MYO16: variants seen among roughly 807,000 people sequenced by gnomAD.
MYO16 encodes unconventional myosin-XVI.
In MYO16, 94 loss-of-function variants were observed where a neutral mutation model predicts 205.3. The observed-to-expected ratio is 0.46, with a 90% CI of 0.39 to 0.54. The LOEUF (loss-of-function observed/expected upper bound fraction) is 0.54, where lower values mean the gene tolerates loss of function less well. Among genes scored for constraint, MYO16 ranks in the 20% least tolerant of loss-of-function variants. The pLI is 0.00. For synonymous variants in MYO16, 988 were observed against 954.0 expected (o/e 1.04, Z -0.66); for missense variants, 2,315 against 2,387.5 (o/e 0.97, Z 0.63).
Position 108,785,769 on chromosome 13 carries a change from G to A in MYO16, c.616+26G>A, listed in dbSNP as rs1555298336. 4.4e-6 allele frequency: 6 copies of A among 1,371,606 alleles called. No individual in the cohort carries two copies. In the Admixed American group the frequency reaches 5.9e-5, roughly 13 times the overall value. The allele number at this position is 1,371,606 out of a possible 1,614,324, so 85.0% of individuals were successfully genotyped here. Reference sequence around the variant, plus strand: ...GTAGGCAAAAACTTTTAAAACCATAGAAAAAAATAGATTGGGAGAATTGTA... The same window carrying A: ...GTAGGCAAAAACTTTTAAAACCATAAAAAAAAATAGATTGGGAGAATTGTA... On this transcript the variant is annotated intron_variant, in intron 5 of 34. Coordinates refer to ENST00000457511, the MANE Select transcript of MYO16 (RefSeq NM_001198950.3).
the MYO16 span, among the ~76,000 whole-genome samples, chr13:108,542,410 C>G: frequency 3.9e-5 from 6 of 152,098 alleles, no homozygotes; most frequent in Non-Finnish European, 8.8e-5. Context: ...AACCAACCCC[C>G]AACCCCCGTC....
chr13:108,538,817 A>G, the MYO16 span, among the ~76,000 whole-genome samples: 1 of 152,118 alleles, frequency 6.6e-6, no homozygotes, highest in Non-Finnish European at 1.5e-5. Context: ...ATGGCACTCT[A>G]ACATAAAGTT....
chr13:108,957,960 G>A (rs1883439707), intron 17 of MYO16, among the ~76,000 whole-genome samples, 161 bp downstream of exon 17: 1 of 152,010 alleles, frequency 6.6e-6, no homozygotes, highest in Non-Finnish European at 1.5e-5. Context: ...GCCTCCTAGA[G>A]CTGACATGCT....
At chr13:108,700,861 A>G (rs1246378040) in intron 2 of MYO16, among the ~76,000 whole-genome samples, 1 of 152,142 alleles carries the variant, frequency 6.6e-6, no homozygotes. Flanking sequence ...AGCTGTGGGT[A>G]TGCTCATAAG....
At chr13:109,119,366 T>G (rs1216843340) in intron 28 of MYO16, among the ~76,000 whole-genome samples, 1 of 152,214 alleles carries the variant, frequency 6.6e-6, no homozygotes, top group Non-Finnish European at 1.5e-5. Flanking sequence ...GTGCTAAGAA[T>G]CTGATTATAA....
the MYO16 span, among the ~76,000 whole-genome samples, chr13:108,573,692 G>T: frequency 6.6e-6 from 1 of 152,170 alleles, no homozygotes; most frequent in Non-Finnish European, 1.5e-5. Context: ...GACTTCACGG[G>T]CTCAGAGATA....
At chr13:108,603,521 G>A (rs1327531942) in intron 1 of MYO16, among the ~76,000 whole-genome samples, 2 of 152,028 alleles carry the variant, frequency 1.3e-5, no homozygotes, top group Non-Finnish European at 2.9e-5. Flanking sequence ...AACGTTTGAT[G>A]TTTGGATAGT....
chr13:109,159,677 G>A (rs764300764), intron 32 of MYO16, among the ~76,000 whole-genome samples: 19 of 152,188 alleles, frequency 1.2e-4, no homozygotes, highest in Admixed American at 5.9e-4. Flanking sequence ...GCAAGGAGTG[G>A]GGACAGGAAC....
At chr13:108,802,792 T>C (rs1887004849) in intron 6 of MYO16, among the ~76,000 whole-genome samples, 3 of 152,246 alleles carry the variant, frequency 2.0e-5, no homozygotes, top group South Asian at 4.1e-4. Context: ...TATTTCATTG[T>C]AGTTTTAATT....
At chr13:108,958,116 A>G (rs1000392828) in intron 17 of MYO16, among the ~76,000 whole-genome samples, 6 of 148,410 alleles carry the variant, frequency 4.0e-5, no homozygotes, top group Non-Finnish European at 7.4e-5. Flanking sequence ...AATGAATATA[A>G]TATATACATT....
intron 20 of MYO16, among the ~76,000 whole-genome samples, chr13:108,970,311 C>T (rs1883961029): frequency 6.6e-6 from 1 of 152,192 alleles, no homozygotes; most frequent in South Asian, 2.1e-4. Flanking sequence ...ATAATGAAAA[C>T]ATGTTTTCTA....
At chr13:108,930,423 C>T (rs896499154) in intron 16 of MYO16, among the ~76,000 whole-genome samples, 2 of 152,040 alleles carry the variant, frequency 1.3e-5, no homozygotes, top group Admixed American at 1.3e-4. Flanking sequence ...ATAATTAAAA[C>T]AGCAGCAAAT....
At chr13:108,568,455 T>C in the MYO16 span, among the ~76,000 whole-genome samples, 2 of 152,068 alleles carry the variant, frequency 1.3e-5, no homozygotes, top group African/African-American at 4.8e-5. Context: ...ATATTCAGCA[T>C]TTTTTATGTG....
intron 34 of MYO16, among the ~76,000 whole-genome samples, chr13:109,196,144 C>G (rs1043776711): frequency 1.3e-5 from 2 of 152,170 alleles, no homozygotes; most frequent in Non-Finnish European, 2.9e-5. Context: ...ATCTTCTTAT[C>G]TAATTGATGT....
intron 27 of MYO16, among the ~76,000 whole-genome samples, chr13:109,093,993 G>A (rs756980864): frequency 4.6e-5 from 7 of 151,826 alleles, no homozygotes; most frequent in Non-Finnish European, 5.9e-5. Flanking sequence ...CTAACCTTTC[G>A]AAACTCATCT....
chr13:108,559,470 C>CTTTTTTTTTTTTTTTTTTTTTTTTTTT, the MYO16 span, among the ~76,000 whole-genome samples: 1 of 87,414 alleles, frequency 1.1e-5, no homozygotes, highest in African/African-American at 4.2e-5. Flanking sequence ...TTTTTCTTTT[C>CTTTTTTTTTTTTTTTTTTTTTTTTTTT]TTTTTTTTTT....
intron 2 of MYO16, among the ~76,000 whole-genome samples, chr13:108,710,427 C>T (rs924831092): frequency 1.3e-5 from 2 of 152,162 alleles, no homozygotes; most frequent in Non-Finnish European, 2.9e-5. Flanking sequence ...TTAAATTCAA[C>T]ATTTAGTAAC....
intron 1 of MYO16, among the ~76,000 whole-genome samples, chr13:108,619,672 T>A (rs1879470935): frequency 6.6e-6 from 1 of 152,126 alleles, no homozygotes; most frequent in Non-Finnish European, 1.5e-5. Flanking sequence ...AAGGGACTGA[T>A]CGGGAGGCAG....
rs117664608 is a variant in MYO16 at position 108,786,118 on chromosome 13, T to C, written c.616+375T>C. ...GAGAACAAGGTCATCTGAAGTGTAT[T>C]CTCTTAGAAGCAGGTGGTCCTAGCT... On this transcript the variant is annotated intron_variant, in intron 5 of 34. Transcript: ENST00000457511. 1.7e-3 allele frequency among the ~76,000 whole-genome samples: 255 copies of C among 152,358 alleles called. 4 individuals are homozygous for C. The East Asian group carries it at 0.043, about 26-fold the overall frequency.
Sources: allele counts gnomAD v4.1 joint callset (sites outside exome capture counted in the v4.1 genomes callset), GRCh38; gene constraint gnomAD v4.1.1; transcripts MANE v1.5; gene names NCBI Gene and HGNC (gene_info 2026-07-23, HGNC 2026-07-21).